Variants in DENND1A observed in about 807,000 individuals in gnomAD.
DENND1A encodes the protein DENN domain-containing protein 1A.
Under a neutral mutation model 113.7 loss-of-function variants are expected in DENND1A, and 51 were observed. The ratio of observed to expected loss-of-function variants is 0.45; its 90% CI spans 0.36 to 0.57. The LOEUF (loss-of-function observed/expected upper bound fraction) is 0.57. DENND1A is among the 20% of genes least tolerant of loss of function. The pLI, the probability that DENND1A is intolerant of heterozygous loss-of-function variation, is 0.00. For synonymous variants in DENND1A, 565 were observed against 570.8 expected (o/e 0.99, Z 0.14); for missense variants, 1,258 against 1,395.9 (o/e 0.90, Z 1.57).
intron 20 of DENND1A, among the ~76,000 whole-genome samples, chr9:123,404,564 C>G (rs1484751485): frequency 2.0e-5 from 3 of 150,390 alleles, no homozygotes; most frequent in Non-Finnish European, 4.4e-5. Flanking sequence ...TCCTGCCCAC[C>G]CTTTGAGTTT....
At chr9:123,863,149 T>C (rs1188741522) in intron 2 of DENND1A, among the ~76,000 whole-genome samples, 2 of 152,196 alleles carry the variant, frequency 1.3e-5, no homozygotes, top group Non-Finnish European at 2.9e-5. Context: ...AATATTTCCA[T>C]GCATAACCAA....
At chr9:123,521,600 T>C (rs953429175) in intron 13 of DENND1A, among the ~76,000 whole-genome samples, 3 of 152,220 alleles carry the variant, frequency 2.0e-5, no homozygotes, top group African/African-American at 7.2e-5. Context: ...GGGCCTTCCA[T>C]GCGGAAGGAC....
chr9:123,773,971 G>A (rs1370583221), intron 3 of DENND1A, among the ~76,000 whole-genome samples: 2 of 152,016 alleles, frequency 1.3e-5, no homozygotes, highest in African/African-American at 2.4e-5. Flanking sequence ...GCTGAAAGCC[G>A]ATATAGCAGT....
chr9:123,871,241 C>A (rs1254836140), intron 2 of DENND1A, among the ~76,000 whole-genome samples: 1 of 152,050 alleles, frequency 6.6e-6, no homozygotes, highest in Admixed American at 6.6e-5. Context: ...CACCACCATA[C>A]CCAGCTATGT....
At chr9:123,723,345 C>T (rs576625379) in intron 5 of DENND1A, among the ~76,000 whole-genome samples, 1 of 152,298 alleles carries the variant, frequency 6.6e-6, no homozygotes, top group African/African-American at 2.4e-5. Context: ...AGACTTTGGA[C>T]TGTGGACTTT....
At chr9:123,524,589 G>T (rs1452632690) in intron 13 of DENND1A, among the ~76,000 whole-genome samples, 1 of 152,176 alleles carries the variant, frequency 6.6e-6, no homozygotes, top group African/African-American at 2.4e-5. Flanking sequence ...CACATTTAAG[G>T]GCTGAATTTG....
At chr9:123,583,773 C>G (rs1404166947) in intron 11 of DENND1A, among the ~76,000 whole-genome samples, 1 of 152,170 alleles carries the variant, frequency 6.6e-6, no homozygotes, top group Non-Finnish European at 1.5e-5. Flanking sequence ...CCCTTAAACG[C>G]CAAGTAGGAA....
chr9:123,470,065 G>A (rs539376793), intron 13 of DENND1A, among the ~76,000 whole-genome samples: 17 of 152,226 alleles, frequency 1.1e-4, no homozygotes, highest in Non-Finnish European at 2.1e-4. Context: ...AAAGGGCTTT[G>A]GAGAAATGAA....
rs558500590 is a variant in DENND1A, at chr9:123,561,465, C to T, written c.868-3770G>A. On this transcript the variant is annotated intron_variant, in intron 12 of 23. Transcript: ENST00000394215. ...AGCTTTTGTCTTGACCTGCCAGCAC[C>T]TCAAACTTTGAAACTGCAAGTATCT... Among the ~76,000 whole-genome samples the T allele has an allele frequency of 2.0e-5, 3 of 152,322 alleles. No individual in the cohort carries two copies. In the South Asian group the frequency reaches 6.2e-4, roughly 32 times the overall value.
In DENND1A at chr9:123,381,370, C is replaced by T. The variant is rs1202204771; in HGVS notation, c.*62G>A. ...CAGAGAGAGAGTGGCGGGGGAGCCT[C>T]GGAACCGCAGCAGTGGACGGACCCT... On this transcript the variant is annotated 3_prime_UTR_variant, in exon 24 of 24. Transcript: ENST00000394215. This position sits in a 1 kb window ranked among gnomAD's most constrained non-coding sequence, Gnocchi z 4.7. The T allele has an allele frequency of 2.3e-5, 34 of 1,460,578 alleles. No homozygotes were observed. Among genetic ancestry groups the T allele is most frequent in the Middle Eastern group, 1.8e-4 (1 of 5,424 alleles). 90.5% of individuals were successfully genotyped at this position (1,460,578 alleles called of 1,614,324 possible).
chr9:123,636,761 C>A (rs370226275), intron 9 of DENND1A, among the ~76,000 whole-genome samples: 1 of 145,054 alleles, frequency 6.9e-6, no homozygotes, highest in Non-Finnish European at 1.5e-5. Flanking sequence ...AGTGCAATGG[C>A]GCAATCTCAG....
chr9:123,688,848 T>G (rs1369621620), intron 5 of DENND1A, among the ~76,000 whole-genome samples: 2 of 152,138 alleles, frequency 1.3e-5, no homozygotes, highest in South Asian at 4.1e-4. Flanking sequence ...ACTGCTTTAT[T>G]ATAAGCCATG....
At chr9:123,795,364 G>T (rs189119029) in intron 2 of DENND1A, among the ~76,000 whole-genome samples, 4 of 152,164 alleles carry the variant, frequency 2.6e-5, no homozygotes, top group South Asian at 2.1e-4. Context: ...TGAGTCAATC[G>T]CAATGCCATA....
At chr9:123,927,873 C>G (rs1857368509) in intron 1 of DENND1A, among the ~76,000 whole-genome samples, 1 of 152,188 alleles carries the variant, frequency 6.6e-6, no homozygotes, top group African/African-American at 2.4e-5. Flanking sequence ...TCTCCAACAA[C>G]TAGAGGAGCA....
chr9:123,650,815 G>A (rs993280145), intron 9 of DENND1A, among the ~76,000 whole-genome samples: 2 of 145,320 alleles, frequency 1.4e-5, no homozygotes, highest in African/African-American at 2.6e-5. Context: ...ACTGAAGCAA[G>A]AGAATTACTT....
intron 5 of DENND1A, among the ~76,000 whole-genome samples, chr9:123,743,749 A>T (rs1474464698): frequency 6.6e-6 from 1 of 151,784 alleles, no homozygotes; most frequent in African/African-American, 2.4e-5. Context: ...AAAATAAAAA[A>T]TAAAAAAATT....
intron 5 of DENND1A, among the ~76,000 whole-genome samples, chr9:123,687,274 A>G (rs1268385341): frequency 1.3e-5 from 2 of 152,238 alleles, no homozygotes; most frequent in African/African-American, 4.8e-5. Context: ...ACTTGAATTT[A>G]TAACCCAAAC....
At chr9:123,638,894 C>A (rs758737333) in intron 9 of DENND1A, among the ~76,000 whole-genome samples, 3 of 151,610 alleles carry the variant, frequency 2.0e-5, no homozygotes, top group Admixed American at 6.6e-5. Context: ...GCTAATGGAT[C>A]TATACTATTG....
At chr9:123,882,026 A>G (rs572517620) in intron 1 of DENND1A, among the ~76,000 whole-genome samples, 14 of 151,470 alleles carry the variant, frequency 9.2e-5, no homozygotes, top group African/African-American at 3.4e-4. Context: ...CTCACTGGCT[A>G]CTCCTTTGCG....
Sources: allele counts gnomAD v4.1 joint callset (sites outside exome capture counted in the v4.1 genomes callset), GRCh38; gene constraint gnomAD v4.1.1; non-coding constraint Gnocchi (gnomAD v3.1); transcripts MANE v1.5; gene names NCBI Gene and HGNC (gene_info 2026-07-23, HGNC 2026-07-21).